MYOM2: variants seen among roughly 807,000 people sequenced by gnomAD.
The protein encoded by MYOM2 is myomesin 2.
Under a neutral mutation model 187.6 loss-of-function variants are expected in MYOM2, and 254 were observed. That is an observed-to-expected ratio of 1.35 (90% confidence interval 1.22 to 1.50). MYOM2 has a LOEUF of 1.50. Ranked by LOEUF, MYOM2 falls within the 40% of genes most tolerant of loss-of-function variation. The pLI is 0.00. For synonymous variants in MYOM2, 981 were observed against 753.8 expected (o/e 1.30, Z -4.94); for missense variants, 2,796 against 1,924.0 (o/e 1.45, Z -8.48).
In MYOM2 at chr8:2,144,631, T is replaced by C. The variant is rs775108345; in HGVS notation, c.4081-33T>C. On this transcript the variant is annotated intron_variant, in intron 36 of 36. Coordinates refer to ENST00000262113, the MANE Select transcript of MYOM2 (RefSeq NM_003970.4). ...GTGACATGACTTTCCTTTTTCTAACTCTTCCTTCTCCACCAACCTCTTCCG... is the reference window on the plus strand; with the variant it reads ...GTGACATGACTTTCCTTTTTCTAACCCTTCCTTCTCCACCAACCTCTTCCG... 7 of 1,606,544 alleles carry C rather than the reference T, an allele frequency of 4.4e-6. No individual in the cohort carries two copies. In the East Asian group the frequency reaches 1.6e-4, roughly 36 times the overall value.
chr8:2,130,038 G>T (rs1206330093), intron 32 of MYOM2, among the ~76,000 whole-genome samples: 1 of 152,022 alleles, frequency 6.6e-6, no homozygotes, highest in Admixed American at 6.6e-5. Flanking sequence ...ATTATTTGAT[G>T]GTGTCAAGGC....
At chr8:2,085,431 A>ATGGCCCCCCACTGTCGTGATCTCCGCG in intron 14 of MYOM2, 41 bp downstream of exon 14, 6 of 1,519,942 alleles carry the variant, frequency 3.9e-6, no homozygotes, top group East Asian at 2.3e-5. Flanking sequence ...AGATCTCTGC[A>ATGGCCCCCCACTGTCGTGATCTCCGCG]TGGCCCCCCA....
chr8:2,092,978 G>A (rs950282443), intron 16 of MYOM2, among the ~76,000 whole-genome samples: 3 of 152,138 alleles, frequency 2.0e-5, no homozygotes, highest in South Asian at 2.1e-4. Flanking sequence ...GGGCAGCCTC[G>A]GGGGATGCTG....
At chr8:2,089,925 A>G (rs1174938320) in intron 14 of MYOM2, 83 bp from the exon 15 acceptor site, 1 of 1,381,952 alleles carries the variant, frequency 7.2e-7, no homozygotes, top group Non-Finnish European at 1.0e-6. Context: ...GGATAGCGAG[A>G]ACAGAGCATT....
At position 2,078,859 on chromosome 8, in the gene MYOM2, C is replaced by T. The variant is rs144104874; in HGVS notation, c.1388C>T (p.Ala463Val). 36 of 1,613,912 alleles carry T rather than the reference C, an allele frequency of 2.2e-5. No individual in the cohort carries two copies. The highest frequency in any genetic ancestry group is 4.5e-5 in the East Asian group (2 of 44,880). Residue 463 changes from alanine to valine, a missense_variant, in exon 12 of 37, where the codon GCG becomes GTG. Transcript: ENST00000262113. ...YIFRVRAVNS[A>V]GISRPSRVSD... ...TTCCGAGTGAGGGCAGTGAACAGTG[C>T]GGGCATCAGCCGACCCTCCAGGGTC...
At chr8:2,124,088 A>T (rs531854985) in intron 30 of MYOM2, 91 bp from the exon 31 acceptor site, 1 of 1,293,120 alleles carries the variant, frequency 7.7e-7, no homozygotes, top group Non-Finnish European at 1.1e-6. Flanking sequence ...TGAACATCAC[A>T]ATTTCCTGCA....
intron 3 of MYOM2, among the ~76,000 whole-genome samples, chr8:2,055,621 A>G (rs1818637776): frequency 2.0e-5 from 3 of 152,176 alleles, no homozygotes. Flanking sequence ...TTTCTGTACG[A>G]AGAGGCTGCA....
In MYOM2 at chr8:2,085,406, G is replaced by C. The variant is rs200783840; in HGVS notation, c.1644+16G>C. The C allele has an allele frequency of 2.5e-6, 4 of 1,612,534 alleles. No individual in the cohort carries two copies. The Admixed American group carries it at 6.7e-5, about 27-fold the overall frequency. ...CATTGAGAAGGTAAACTCCGGGCCC[G>C]TGTCCTGGAAAAGTAGATCTCTGCA... On this transcript the variant is annotated intron_variant, in intron 14 of 36. Coordinates refer to ENST00000262113, the MANE Select transcript of MYOM2 (RefSeq NM_003970.4).
At chr8:2,116,890 T>A (rs1797264780) in intron 27 of MYOM2, among the ~76,000 whole-genome samples, 1 of 151,992 alleles carries the variant, frequency 6.6e-6, no homozygotes, top group African/African-American at 2.4e-5. Flanking sequence ...CCCGAATAGC[T>A]GGGACTACAG....
intron 1 of MYOM2, among the ~76,000 whole-genome samples, chr8:2,046,495 C>G (rs1818315589): frequency 6.6e-6 from 1 of 152,156 alleles, no homozygotes; most frequent in Non-Finnish European, 1.5e-5. Flanking sequence ...GTCATATTTC[C>G]CTGGGGACGG....
intron 27 of MYOM2, among the ~76,000 whole-genome samples, chr8:2,116,663 T>C (rs1797255245): frequency 6.6e-6 from 1 of 152,220 alleles, no homozygotes; most frequent in Non-Finnish European, 1.5e-5. Context: ...ACAATATGTT[T>C]TAAATAGATT....
intron 6 of MYOM2, among the ~76,000 whole-genome samples, chr8:2,068,295 A>T (rs1194146061): frequency 6.9e-6 from 1 of 144,768 alleles, no homozygotes; most frequent in Non-Finnish European, 1.5e-5. Context: ...CATCCTGGGC[A>T]CAGCTCTTCA....
At chr8:2,097,145 T>C in intron 18 of MYOM2, 1 of 975,800 alleles carries the variant, frequency 1.0e-6, no homozygotes, top group Non-Finnish European at 1.2e-6. Flanking sequence ...TTTTGGAGAG[T>C]GTAAGGCCTT....
chr8:2,054,739 C>G (rs185310555), intron 3 of MYOM2, among the ~76,000 whole-genome samples: 1 of 152,200 alleles, frequency 6.6e-6, no homozygotes, highest in African/African-American at 2.4e-5. Context: ...TGCTGCGTGG[C>G]GCAGACCAAG....
At chr8:2,112,403 T>C in intron 25 of MYOM2, among the ~76,000 whole-genome samples, 1 of 55,970 alleles carries the variant, frequency 1.8e-5, no homozygotes. Flanking sequence ...GGTCGGGGGG[T>C]GGGGGTCAGG....
At position 2,116,273 on chromosome 8, in the gene MYOM2, A is replaced by C. The variant is rs149568987; in HGVS notation, c.3383A>C (p.Gln1128Pro). 1 of 1,612,584 alleles carries C rather than the reference A, an allele frequency of 6.2e-7. No individual in the cohort carries two copies. The highest frequency in any genetic ancestry group is 1.3e-5 in the African/African-American group (1 of 74,916). Reference protein sequence around the residue: ...EFQRKEFLRKQGPHFAEYLHW... With the variant: ...EFQRKEFLRKPGPHFAEYLHW... ...CAAAGGAAAGAATTTCTCAGGAAACAAGGTGAGTTTCCTCACTCTGACCGG... is the reference window on the plus strand; with the variant it reads ...CAAAGGAAAGAATTTCTCAGGAAACCAGGTGAGTTTCCTCACTCTGACCGG... Residue 1128 changes from glutamine (Q) to proline (P), a missense_variant and splice_region_variant, in exon 27 of 37, where the codon CAA (glutamine) becomes CCA (proline). Coordinates refer to ENST00000262113, the MANE Select transcript of MYOM2 (RefSeq NM_003970.4).
intron 20 of MYOM2, 114 bp from the exon 21 acceptor site, chr8:2,102,553 A>AACTCATTAAGTATCATTTTCCTT: frequency 1.7e-6 from 1 of 579,906 alleles, no homozygotes; most frequent in Non-Finnish European, 3.1e-6. Flanking sequence ...TCATTTTCCT[A>AACTCATTAAGTATCATTTTCCTT]ACTGGAAAAA....
At chr8:2,067,158 T>C (rs1819045815) in intron 6 of MYOM2, among the ~76,000 whole-genome samples, 1 of 152,140 alleles carries the variant, frequency 6.6e-6, no homozygotes, top group African/African-American at 2.4e-5. Context: ...GAAACGGAAA[T>C]TTTTGATCTA....
chr8:2,126,673 G>T (rs1253689636), intron 31 of MYOM2, among the ~76,000 whole-genome samples: 1 of 151,142 alleles, frequency 6.6e-6, no homozygotes, highest in Non-Finnish European at 1.5e-5. Context: ...GGCTGATGGA[G>T]GCTGGGGGAG....
Sources: allele counts gnomAD v4.1 joint callset (sites outside exome capture counted in the v4.1 genomes callset), GRCh38; gene constraint gnomAD v4.1.1; transcripts MANE v1.5; gene names NCBI Gene and HGNC (gene_info 2026-07-23, HGNC 2026-07-21).